The following WWOX variants were observed in gnomAD, a reference collection of about 807,000 sequenced individuals.
The protein encoded by WWOX is WW domain containing oxidoreductase.
A neutral mutation model predicts 46.2 loss-of-function variants in WWOX; 69 were observed. The ratio of observed to expected loss-of-function variants is 1.49; its 90% confidence interval spans 1.23 to 1.82. The LOEUF (loss-of-function observed/expected upper bound fraction) is 1.82, where lower values mean the gene tolerates loss of function less well. WWOX is among the 40% of genes most tolerant of loss of function. The pLI, the probability that WWOX is intolerant of heterozygous loss-of-function variation, is 0.00. For missense variants in WWOX, 919 were observed against 542.6 expected (o/e 1.69, Z -6.89); for synonymous variants, 359 against 202.6 (o/e 1.77, Z -6.56).
chr16:78,402,057 G>C (rs1473287932), intron 6 of WWOX, among the ~76,000 whole-genome samples: 1 of 152,164 alleles, frequency 6.6e-6, no homozygotes, highest in Non-Finnish European at 1.5e-5. Flanking sequence ...ACAAAGTTAC[G>C]TTACCATTAC....
chr16:78,322,633 C>T (rs1466725876), intron 5 of WWOX, among the ~76,000 whole-genome samples: 1 of 152,248 alleles, frequency 6.6e-6, no homozygotes, highest in African/African-American at 2.4e-5. Flanking sequence ...AGCAACTCTT[C>T]ATCACCAGGT....
At chr16:78,421,602 A>G (rs1185582478) in intron 6 of WWOX, among the ~76,000 whole-genome samples, 1 of 152,124 alleles carries the variant, frequency 6.6e-6, no homozygotes, top group African/African-American at 2.4e-5. Context: ...CATTCAACTC[A>G]CAGATTCCTA....
At position 78,710,473 on chromosome 16, in the gene WWOX, C is replaced by CATATATATATATATATATATATTT. The variant is rs1555520957; in HGVS notation, c.1056+277743_1056+277744insTTATATATATATATATATATATAT. 2.4e-3 allele frequency among the ~76,000 whole-genome samples: 150 copies of CATATATATATATATATATATATTT among 63,608 alleles called. 4 individuals carry two copies. The highest frequency in any genetic ancestry group is 3.3e-3 in the Non-Finnish European group (105 of 31,428). The allele number at this position is 63,608 out of a possible 152,430, so 41.7% of individuals were successfully genotyped here. ...TGATGCAATTAAAGCTAATGGATCT[C>CATATATATATATATATATATATTT]ATATATATATATATATATATATATA... is the stretch of plus-strand genomic sequence containing the variant. On this transcript the variant is annotated intron_variant, in intron 8 of 8. Transcript: ENST00000566780.
chr16:78,863,274 A>T (rs1275335825), intron 8 of WWOX, among the ~76,000 whole-genome samples: 1 of 152,120 alleles, frequency 6.6e-6, no homozygotes, highest in Non-Finnish European at 1.5e-5. Flanking sequence ...GTAAGTTTTA[A>T]CTTGGAAACA....
intron 8 of WWOX, among the ~76,000 whole-genome samples, chr16:78,559,021 C>T (rs150824578): frequency 2.6e-5 from 4 of 152,336 alleles, no homozygotes; most frequent in South Asian, 2.1e-4. Context: ...ATCATATCCA[C>T]GGCATCCACA....
intron 8 of WWOX, among the ~76,000 whole-genome samples, chr16:78,961,042 A>T (rs779223741): frequency 6.6e-6 from 1 of 152,130 alleles, no homozygotes; most frequent in Non-Finnish European, 1.5e-5. Flanking sequence ...AGCTCCATAC[A>T]TCTGGGCATG....
intron 8 of WWOX, among the ~76,000 whole-genome samples, chr16:78,924,245 G>A (rs1396714595): frequency 1.3e-5 from 2 of 152,140 alleles, no homozygotes; most frequent in Non-Finnish European, 2.9e-5. Flanking sequence ...AGACGTCTTG[G>A]AAAAGAACTT....
intron 8 of WWOX, among the ~76,000 whole-genome samples, chr16:79,186,696 C>T (rs1342595715): frequency 6.6e-6 from 1 of 152,044 alleles, no homozygotes; most frequent in African/African-American, 2.4e-5. Context: ...TCATCTCACT[C>T]CTGTAAACAG....
chr16:78,588,712 AG>A (rs2045280009), intron 8 of WWOX, among the ~76,000 whole-genome samples: 1 of 152,154 alleles, frequency 6.6e-6, no homozygotes, highest in Non-Finnish European at 1.5e-5. Flanking sequence ...ACATCTGCTA[AG>A]AGTATGTCAC....
Position 78,339,221 on chromosome 16 carries a change from A to G in WWOX, c.517-47639A>G, listed in dbSNP as rs544531940. Among the ~76,000 whole-genome samples, 123 of 119,960 alleles carry G rather than the reference A, an allele frequency of 1.0e-3. 29 individuals carry two copies. The highest frequency in any genetic ancestry group is 3.3e-3 in the African/African-American group (118 of 35,614). The allele number at this position is 119,960 out of a possible 152,430, so 78.7% of individuals were successfully genotyped here. On this transcript the variant is annotated intron_variant, in intron 5 of 8. Coordinates refer to ENST00000566780, the MANE Select transcript of WWOX (RefSeq NM_016373.4). ...TATGCACCACTATGCCATGTAGCAT[A>G]TCAAGATTATTTTTCTTTCCTGCAC...
intron 8 of WWOX, among the ~76,000 whole-genome samples, chr16:78,853,586 T>C (rs2052500495): frequency 6.6e-6 from 1 of 152,208 alleles, no homozygotes. Flanking sequence ...GCAGAATCTT[T>C]GTATTTTCTT....
At chr16:78,768,569 G>A (rs138466362) in intron 8 of WWOX, among the ~76,000 whole-genome samples, 1 of 150,284 alleles carries the variant, frequency 6.7e-6, no homozygotes, top group African/African-American at 2.5e-5. Context: ...CAGCCTGGGT[G>A]ACACAGTGAG....
At chr16:79,209,339 C>A (rs568915802) in intron 8 of WWOX, among the ~76,000 whole-genome samples, 1 of 152,152 alleles carries the variant, frequency 6.6e-6, no homozygotes, top group Non-Finnish European at 1.5e-5. Flanking sequence ...AAGAGTGCAA[C>A]GTGGTATCAT....
intron 8 of WWOX, among the ~76,000 whole-genome samples, chr16:78,528,805 C>G (rs2043545529): frequency 6.6e-6 from 1 of 152,036 alleles, no homozygotes; most frequent in Admixed American, 6.6e-5. Flanking sequence ...TCTTCGTGTT[C>G]AGCATTAAGG....
intron 4 of WWOX, among the ~76,000 whole-genome samples, chr16:78,159,974 C>G (rs1368831122): frequency 1.3e-5 from 2 of 152,054 alleles, no homozygotes; most frequent in African/African-American, 4.8e-5. Context: ...GTCATTCTTG[C>G]TAGCCCTTTA....
At chr16:79,100,922 T>C (rs1467756502) in intron 8 of WWOX, among the ~76,000 whole-genome samples, 1 of 151,214 alleles carries the variant, frequency 6.6e-6, no homozygotes, top group Non-Finnish European at 1.5e-5. Flanking sequence ...CCCAACGGGG[T>C]TTTCTCCATA....
intron 8 of WWOX, among the ~76,000 whole-genome samples, chr16:78,739,158 A>C (rs1329571400): frequency 2.6e-5 from 4 of 152,002 alleles, no homozygotes; most frequent in Non-Finnish European, 4.4e-5. Context: ...CTGAGTTCCC[A>C]GAGCTAGGAC....
At chr16:78,984,313 C>T (rs1406503246) in intron 8 of WWOX, among the ~76,000 whole-genome samples, 13 of 152,080 alleles carry the variant, frequency 8.5e-5, no homozygotes, top group Non-Finnish European at 1.2e-4. Context: ...ATTGCAAGTC[C>T]CCCACCTCCA....
chr16:79,153,538 G>A (rs1437889636), intron 8 of WWOX, among the ~76,000 whole-genome samples: 3 of 152,028 alleles, frequency 2.0e-5, no homozygotes, highest in South Asian at 2.1e-4. Flanking sequence ...GTGGAAATTC[G>A]GACTGTGGAT....
Sources: gnomAD v4.1 joint callset for allele counts (sites outside exome capture counted in the v4.1 genomes callset) on GRCh38, gnomAD v4.1.1 for gene constraint, MANE v1.5 for transcripts, NCBI Gene and HGNC (gene_info 2026-07-23, HGNC 2026-07-21) for gene names.